AK5: variants seen among roughly 807,000 people sequenced by gnomAD.
AK5 encodes adenylate kinase 5, also known as adenylate kinase isoenzyme 5.
In AK5, 27 loss-of-function variants were observed where a neutral mutation model predicts 69.5. The observed-to-expected ratio is 0.39, with a 90% CI of 0.29 to 0.54. AK5 has a LOEUF of 0.54. Ranked by LOEUF, AK5 falls within the 20% of genes least tolerant of loss-of-function variation. The pLI, the probability that AK5 is intolerant of heterozygous loss-of-function variation, is 0.71. For missense variants in AK5, 531 were observed against 700.4 expected, an observed-to-expected ratio of 0.76 and a Z score of 2.73; for synonymous variants, 260 against 244.4, an observed-to-expected ratio of 1.06 and a Z score of -0.60.
intron 6 of AK5, among the ~76,000 whole-genome samples, chr1:77,376,039 T>A (rs564249795): frequency 6.6e-6 from 1 of 152,346 alleles, no homozygotes; most frequent in South Asian, 2.1e-4. Context: ...TAGCTAATGC[T>A]GATATTTTTA....
intron 12 of AK5, among the ~76,000 whole-genome samples, chr1:77,530,263 G>A (rs759639550): frequency 5.3e-5 from 8 of 152,188 alleles, no homozygotes; most frequent in African/African-American, 7.2e-5. Context: ...TTAGAGCTGC[G>A]TAATGGTGTG....
intron 8 of AK5, among the ~76,000 whole-genome samples, chr1:77,469,422 G>T (rs546776370): frequency 2.0e-5 from 3 of 152,212 alleles, no homozygotes; most frequent in Non-Finnish European, 4.4e-5. Context: ...GTTTCCCAGA[G>T]GAAGAAGGAA....
intron 10 of AK5, among the ~76,000 whole-genome samples, chr1:77,492,160 C>T (rs2100739082): frequency 6.6e-6 from 1 of 152,254 alleles, no homozygotes; most frequent in South Asian, 2.1e-4. Flanking sequence ...TGCTAAAGGG[C>T]CTTATGCGTA....
chr1:77,380,572 A>C (rs1203766621), intron 6 of AK5, among the ~76,000 whole-genome samples: 6 of 152,242 alleles, frequency 3.9e-5, no homozygotes, highest in African/African-American at 1.4e-4. Flanking sequence ...TGATTTAATC[A>C]ACAATCATTT....
intron 1 of AK5, among the ~76,000 whole-genome samples, chr1:77,285,784 G>A (rs2100638146): frequency 6.6e-6 from 1 of 151,872 alleles, no homozygotes; most frequent in South Asian, 2.1e-4. Context: ...ATGTCAAATA[G>A]TAATTTTTTT....
chr1:77,553,302 A>T (rs985355900), intron 13 of AK5, among the ~76,000 whole-genome samples: 1 of 152,218 alleles, frequency 6.6e-6, no homozygotes, highest in African/African-American at 2.4e-5. Context: ...GAGGCTGGAG[A>T]ACAGATAAAT....
At chr1:77,424,272 T>C (rs1190326683) in intron 8 of AK5, among the ~76,000 whole-genome samples, 6 of 152,198 alleles carry the variant, frequency 3.9e-5, no homozygotes, top group South Asian at 2.1e-4. Flanking sequence ...TTTTATTTTA[T>C]TTTTTAGAGA....
At chr1:77,546,013 C>T (rs143369983) in intron 13 of AK5, among the ~76,000 whole-genome samples, 1 of 152,254 alleles carries the variant, frequency 6.6e-6, no homozygotes, top group East Asian at 1.9e-4. Context: ...GTCTTCTCTC[C>T]ACCCCCTTTC....
chr1:77,420,099 G>C (rs1166490943), intron 8 of AK5, among the ~76,000 whole-genome samples: 1 of 149,788 alleles, frequency 6.7e-6, no homozygotes, highest in Non-Finnish European at 1.5e-5. Flanking sequence ...TAGTAAATTA[G>C]TCAGTTTTCT....
intron 8 of AK5, among the ~76,000 whole-genome samples, chr1:77,462,759 G>T (rs1653918702): frequency 6.6e-6 from 1 of 152,112 alleles, no homozygotes; most frequent in Non-Finnish European, 1.5e-5. Context: ...CAATAAATAT[G>T]GTGGTACTGT....
Position 77,559,556 on chromosome 1 carries a change from T to G in AK5, c.*886T>G, listed in dbSNP as rs1361867510. On this transcript the variant is annotated 3_prime_UTR_variant, in exon 14 of 14. Coordinates refer to ENST00000354567, the MANE Select transcript of AK5 (RefSeq NM_174858.3). Reference sequence around the variant, plus strand: ...AAATGGTCACCCATGTATTTATTTGTTGCCAAGCAAGTAAAAAAATACCCT... The same window carrying G: ...AAATGGTCACCCATGTATTTATTTGGTGCCAAGCAAGTAAAAAAATACCCT... 6.6e-6 allele frequency: 1 copy of G among 150,604 alleles called. No individual in the cohort carries two copies. The highest frequency in any genetic ancestry group is 2.4e-5 in the African/African-American group (1 of 41,112). 9.3% of individuals were successfully genotyped at this position (150,604 alleles called of 1,614,324 possible). A position where few individuals can be genotyped will look rare whatever the true frequency, so the allele number is the denominator to read the frequency against.
At chr1:77,463,852 C>T (rs963247038) in intron 8 of AK5, among the ~76,000 whole-genome samples, 4 of 152,184 alleles carry the variant, frequency 2.6e-5, no homozygotes, top group Admixed American at 2.0e-4. Context: ...ATTGTCCAAG[C>T]TTGGTTCAGG....
chr1:77,367,579 A>ATTATATATATGTT (rs71075732), intron 6 of AK5, among the ~76,000 whole-genome samples: 1 of 53,364 alleles, frequency 1.9e-5, no homozygotes, highest in South Asian at 6.5e-4. Flanking sequence ...ATATATATAT[A>ATTATATATATGTT]ATATATATGT....
intron 2 of AK5, among the ~76,000 whole-genome samples, chr1:77,288,604 C>A (rs1046637549): frequency 9.9e-5 from 15 of 152,100 alleles, no homozygotes; most frequent in African/African-American, 3.6e-4. Flanking sequence ...ATAGCTTTTC[C>A]TCAGAAACAT....
At chr1:77,513,042 T>C (rs1372934099) in intron 10 of AK5, among the ~76,000 whole-genome samples, 1 of 152,240 alleles carries the variant, frequency 6.6e-6, no homozygotes, top group African/African-American at 2.4e-5. Context: ...GATTGCTCTA[T>C]AACCACGTGA....
intron 10 of AK5, among the ~76,000 whole-genome samples, chr1:77,497,930 G>A (rs1224394338): frequency 4.3e-5 from 5 of 115,202 alleles, no homozygotes; most frequent in Non-Finnish European, 1.1e-4. Context: ...TCCAAGCAGT[G>A]ATGTACATTA....
chr1:77,535,211 C>T (rs938594349), intron 12 of AK5, among the ~76,000 whole-genome samples: 1 of 152,140 alleles, frequency 6.6e-6, no homozygotes, highest in Non-Finnish European at 1.5e-5. Flanking sequence ...ACATTATTTC[C>T]GCTACAGTCT....
rs1353592494 is a variant in AK5, at chr1:77,541,002, G to A, written c.1620+4964G>A. Among the ~76,000 whole-genome samples, 21 of 152,166 alleles carry A rather than the reference G, an allele frequency of 1.4e-4. 1 individual carries two copies. The South Asian group carries it at 2.3e-3, about 17-fold the overall frequency. ...GCTCACTGCAACCTCCACCTCCTGG[G>A]TTCAAGCCATTCTTCTGCCTCAGCC... On this transcript the variant is annotated intron_variant, in intron 13 of 13. Transcript: ENST00000354567.
intron 10 of AK5, 106 bp from the exon 11 acceptor site, chr1:77,518,458 A>T: frequency 1.7e-6 from 2 of 1,193,682 alleles, no homozygotes; most frequent in Non-Finnish European, 2.4e-6. Flanking sequence ...AGTTCCCAAT[A>T]CATGCTTAGT....
Sources: allele counts gnomAD v4.1 joint callset (sites outside exome capture counted in the v4.1 genomes callset), GRCh38; gene constraint gnomAD v4.1.1; transcripts MANE v1.5; gene names NCBI Gene and HGNC (gene_info 2026-07-23, HGNC 2026-07-21).